Variants in LRRC40 observed in about 807,000 individuals in gnomAD.
LRRC40 encodes the protein leucine rich repeat containing 40.
Under a neutral mutation model 72.8 loss-of-function variants are expected in LRRC40, and 76 were observed. The ratio of observed to expected loss-of-function variants is 1.04; its 90% confidence interval spans 0.87 to 1.26. The LOEUF is 1.26. LRRC40 is among the 50% of genes most tolerant of loss of function. The pLI is 0.00. For missense variants in LRRC40, 684 were observed against 698.9 expected, an observed-to-expected ratio of 0.98 and a Z score of 0.24; for synonymous variants, 243 against 254.2, an observed-to-expected ratio of 0.96 and a Z score of 0.42.
At chr1:70,160,088 T>A (rs507223) in intron 9 of LRRC40, among the ~76,000 whole-genome samples, 112,590 of 152,150 alleles carry the variant, frequency 0.74, 42,787 homozygotes, top group African/African-American at 0.94. Flanking sequence ...CATATTTTTT[T>A]AAATACACAT....
chr1:70,172,561 T>C (rs1224023716), intron 9 of LRRC40, among the ~76,000 whole-genome samples: 1 of 152,188 alleles, frequency 6.6e-6, no homozygotes, highest in Non-Finnish European at 1.5e-5. Flanking sequence ...GTTCATAAAA[T>C]TTTGATCAGT....
Position 70,189,080 on chromosome 1 carries a change from C to T in LRRC40, c.333+12G>A. On this transcript the variant is annotated intron_variant, in intron 2 of 14. Coordinates refer to ENST00000370952, the MANE Select transcript of LRRC40 (RefSeq NM_017768.5). ...TCAATTAATAATCCATATTTATAGT[C>T]AGTCAACTTACATCAAGAACAGTCA... 1.3e-6 allele frequency: 2 copies of T among 1,599,816 alleles called. No individual in the cohort carries two copies. The highest frequency in any genetic ancestry group is 8.5e-7 in the Non-Finnish European group (1 of 1,173,458).
At chr1:70,159,976 T>C (rs1667721755) in intron 9 of LRRC40, among the ~76,000 whole-genome samples, 1 of 152,216 alleles carries the variant, frequency 6.6e-6, no homozygotes, top group Non-Finnish European at 1.5e-5. Flanking sequence ...CTTTATTTTT[T>C]ATAGATATTT....
intron 5 of LRRC40, among the ~76,000 whole-genome samples, chr1:70,179,256 C>T (rs562671605): frequency 1.2e-3 from 189 of 152,012 alleles, no homozygotes; most frequent in Non-Finnish European, 1.3e-3. Flanking sequence ...CCGAGGTGGG[C>T]GGATCACTTG....
At chr1:70,146,865 AAAATATCTTCAATT>A (rs1261838876) in intron 14 of LRRC40, among the ~76,000 whole-genome samples, 1 of 152,202 alleles carries the variant, frequency 6.6e-6, no homozygotes, top group African/African-American at 2.4e-5. Context: ...ATTATATAAT[AAAATATCTTCAATT>A]AAGAGAGGCT....
intron 9 of LRRC40, among the ~76,000 whole-genome samples, chr1:70,167,242 A>AAG (rs1464161905): frequency 8.6e-5 from 13 of 151,684 alleles, no homozygotes; most frequent in Admixed American, 5.9e-4. Context: ...AAAAAAAAAA[A>AAG]AAAAAGAAAA....
intron 10 of LRRC40, among the ~76,000 whole-genome samples, chr1:70,158,099 C>CAAAAAAA (rs35925333): frequency 5.2e-5 from 1 of 19,218 alleles, no homozygotes; most frequent in African/African-American, 2.3e-4. Flanking sequence ...GACCCTGCCT[C>CAAAAAAA]AAAAAAAAAA....
chr1:70,189,577 T>C (rs910079328), intron 1 of LRRC40, among the ~76,000 whole-genome samples: 2 of 152,172 alleles, frequency 1.3e-5, no homozygotes, highest in Admixed American at 1.3e-4. Context: ...CACATTGTGG[T>C]AAATATGTAC....
intron 1 of LRRC40, among the ~76,000 whole-genome samples, chr1:70,193,058 A>T (rs774258753): frequency 1.3e-5 from 2 of 152,126 alleles, no homozygotes; most frequent in South Asian, 4.1e-4. Context: ...GTGTTGCTTC[A>T]TCTATAACCC....
chr1:70,181,008 C>T, intron 5 of LRRC40, 78 bp downstream of exon 5: 1 of 1,065,436 alleles, frequency 9.4e-7, no homozygotes. Context: ...TTCTCTGTAA[C>T]TATATTAAAA....
chr1:70,187,763 C>G (rs1339379750), intron 2 of LRRC40, among the ~76,000 whole-genome samples: 1 of 151,706 alleles, frequency 6.6e-6, no homozygotes, highest in Non-Finnish European at 1.5e-5. Context: ...CCTAGGAGGT[C>G]AAGGCTGCAG....
At chr1:70,190,677 TAAAAAAA>T (rs59341874) in intron 1 of LRRC40, among the ~76,000 whole-genome samples, 2 of 54,360 alleles carry the variant, frequency 3.7e-5, no homozygotes, top group Admixed American at 2.0e-4. Flanking sequence ...ACCCTGTCTC[TAAAAAAA>T]AAAAAAAAAA....
At chr1:70,175,210 A>G (rs934468392) in intron 7 of LRRC40, among the ~76,000 whole-genome samples, 1 of 152,138 alleles carries the variant, frequency 6.6e-6, no homozygotes, top group Non-Finnish European at 1.5e-5. Context: ...ACAAATGATA[A>G]ATTAAGTCTG....
rs907336860 is a variant in LRRC40, at chr1:70,189,107, T to C, written c.318A>G (p.Ala106=). The change falls in exon 2 of 15, where the codon GCA becomes GCG. Residue 106 remains alanine (A), a synonymous_variant. Coordinates refer to ENST00000370952, the MANE Select transcript of LRRC40 (RefSeq NM_017768.5). ...GTCAACTTACATCAAGAACAGTCAG[T>C]GCAGGCAAGAGTCGCAGGTCATCTG... ...SLTDDLRLLP[A]LTVLDIHDNQ... The C allele has an allele frequency of 1.9e-6, 3 of 1,612,176 alleles. No individual in the cohort carries two copies. The highest frequency in any genetic ancestry group is 2.5e-6 in the Non-Finnish European group (3 of 1,179,202).
At chr1:70,153,760 T>G (rs960170750) in intron 11 of LRRC40, among the ~76,000 whole-genome samples, 1 of 151,864 alleles carries the variant, frequency 6.6e-6, no homozygotes, top group Non-Finnish European at 1.5e-5. Context: ...GGCAAGTGGA[T>G]CAGTTGAGCT....
chr1:70,148,754 C>T, intron 13 of LRRC40, 82 bp from the exon 14 acceptor site: 1 of 833,632 alleles, frequency 1.2e-6, no homozygotes, highest in Non-Finnish European at 1.8e-6. Context: ...TTAAATTTGA[C>T]ATGACAGTTT....
intron 4 of LRRC40, among the ~76,000 whole-genome samples, chr1:70,183,361 G>C (rs1035753931): frequency 6.6e-6 from 1 of 151,762 alleles, no homozygotes; most frequent in African/African-American, 2.4e-5. Context: ...AAGTCTTTCA[G>C]ATGGTATAGC....
chr1:70,192,833 G>A (rs1668530320), intron 1 of LRRC40, among the ~76,000 whole-genome samples: 1 of 152,070 alleles, frequency 6.6e-6, no homozygotes, highest in Non-Finnish European at 1.5e-5. Context: ...TGGGAGGAGG[G>A]AGAGGATCAG....
chr1:70,170,260 T>C (rs1667972910), intron 9 of LRRC40, among the ~76,000 whole-genome samples: 1 of 152,096 alleles, frequency 6.6e-6, no homozygotes, highest in Non-Finnish European at 1.5e-5. Flanking sequence ...CTTAACATGA[T>C]AAAGGGCATC....
Sources: gnomAD v4.1 joint callset for allele counts (sites outside exome capture counted in the v4.1 genomes callset) on GRCh38, gnomAD v4.1.1 for gene constraint, MANE v1.5 for transcripts, NCBI Gene and HGNC (gene_info 2026-07-23, HGNC 2026-07-21) for gene names.